METTL15: variants seen among roughly 807,000 people sequenced by gnomAD.
METTL15 encodes 12S rRNA N(4)-cytidine methyltransferase METTL15.
A neutral mutation model predicts 38.3 loss-of-function variants in METTL15; 34 were observed. The ratio of observed to expected loss-of-function variants is 0.89; its 90% confidence interval spans 0.68 to 1.18. The LOEUF (loss-of-function observed/expected upper bound fraction) is 1.18, where lower values mean the gene tolerates loss of function less well. Among genes scored for constraint, METTL15 ranks in the 50% most tolerant of loss-of-function variants. The pLI is 0.00. For missense variants in METTL15, 438 were observed against 498.4 expected (o/e 0.88, Z 1.15); for synonymous variants, 162 against 170.9 (o/e 0.95, Z 0.41).
At chr11:28,455,216 CT>C (rs34686157) in intron 6 of METTL15, among the ~76,000 whole-genome samples, 1,116 of 85,814 alleles carry the variant, frequency 0.013, 4 homozygotes, top group African/African-American at 0.038. Context: ...GATCAGCTAG[CT>C]TTTTTTTTTT....
intron 6 of METTL15, among the ~76,000 whole-genome samples, chr11:28,443,968 A>G (rs1160755216): frequency 6.6e-6 from 1 of 152,178 alleles, no homozygotes; most frequent in African/African-American, 2.4e-5. Context: ...TTTATATTTA[A>G]TATTACATTT....
chr11:28,315,691 G>C (rs1375618352), intron 6 of METTL15, among the ~76,000 whole-genome samples: 1 of 152,220 alleles, frequency 6.6e-6, no homozygotes, highest in Admixed American at 6.5e-5. Flanking sequence ...TAGAAGCCTA[G>C]GAGGAAAAGA....
intron 3 of METTL15, among the ~76,000 whole-genome samples, chr11:28,147,670 T>G (rs1414205650): frequency 1.3e-5 from 2 of 151,792 alleles, no homozygotes; most frequent in Non-Finnish European, 1.5e-5. Flanking sequence ...TAAGTTCTGA[T>G]GAGATGATCT....
At chr11:28,488,271 T>C (rs1851453955) in intron 6 of METTL15, among the ~76,000 whole-genome samples, 1 of 152,190 alleles carries the variant, frequency 6.6e-6, no homozygotes, top group South Asian at 2.1e-4. Context: ...GCACACTTCA[T>C]GAGCTAACTT....
chr11:28,314,954 C>T lies in METTL15; in HGVS notation c.779-15442C>T, dbSNP rs149875362. Among the ~76,000 whole-genome samples, 486 of 152,294 alleles carry T rather than the reference C, an allele frequency of 3.2e-3. 4 individuals are homozygous for T. Among genetic ancestry groups the T allele is most frequent in the African/African-American group, 0.011 (468 of 41,556 alleles). ...CCTTCTACTATGATTGTGAGGCTTC[C>T]GCAGCCATGTGGAACTGTAAGTCCA... On this transcript the variant is annotated intron_variant, in intron 6 of 6. Transcript: ENST00000407364.
chr11:28,426,584 G>GTTTTTTTTTTTT (rs66959082), intron 6 of METTL15, among the ~76,000 whole-genome samples: 28 of 82,316 alleles, frequency 3.4e-4, no homozygotes, highest in Middle Eastern at 7.7e-3. Context: ...GCCAGCATCT[G>GTTTTTTTTTTTT]TTTTTTTTTT....
chr11:28,316,056 C>T (rs555501266), intron 6 of METTL15, among the ~76,000 whole-genome samples: 1 of 152,216 alleles, frequency 6.6e-6, no homozygotes, highest in Admixed American at 6.5e-5. Context: ...CACTGAGGCA[C>T]CACTTAGTTC....
intron 3 of METTL15, among the ~76,000 whole-genome samples, chr11:28,188,384 G>C (rs1036884678): frequency 2.7e-5 from 4 of 150,934 alleles, no homozygotes; most frequent in African/African-American, 7.3e-5. Context: ...TTTTTATTTG[G>C]ATTTTTAAGA....
At chr11:28,384,715 C>G (rs1850422961) in intron 5 of METTL15, among the ~76,000 whole-genome samples, 1 of 152,116 alleles carries the variant, frequency 6.6e-6, no homozygotes, top group African/African-American at 2.4e-5. Context: ...GAGGAGTTGC[C>G]ACACTGATTT....
intron 5 of METTL15, among the ~76,000 whole-genome samples, chr11:28,389,281 G>A (rs192537345): frequency 6.6e-6 from 1 of 150,740 alleles, no homozygotes; most frequent in African/African-American, 2.4e-5. Context: ...TGCACAATGT[G>A]CAGGTTAGTT....
chr11:28,430,901 T>TG (rs1340418379), intron 6 of METTL15, among the ~76,000 whole-genome samples: 112 of 49,938 alleles, frequency 2.2e-3, no homozygotes, highest in Admixed American at 3.8e-3. Context: ...GGGAGGGAGG[T>TG]GGGGGGGTCA....
intron 6 of METTL15, among the ~76,000 whole-genome samples, chr11:28,513,108 C>T (rs1851690149): frequency 6.6e-6 from 1 of 151,996 alleles, no homozygotes; most frequent in East Asian, 1.9e-4. Context: ...ATTACAAGAA[C>T]TCACTGCACA....
intron 5 of METTL15, among the ~76,000 whole-genome samples, chr11:28,290,945 A>T (rs1015751371): frequency 6.6e-6 from 1 of 152,006 alleles, no homozygotes; most frequent in South Asian, 2.1e-4. Context: ...GATATCTTTT[A>T]CACCTCCTCT....
At chr11:28,127,259 T>G (rs1852529568) in intron 3 of METTL15, among the ~76,000 whole-genome samples, 3 of 152,084 alleles carry the variant, frequency 2.0e-5, no homozygotes, top group African/African-American at 2.4e-5. Flanking sequence ...TGGAGAAGAA[T>G]GGGCAGATTT....
At chr11:28,122,856 C>T (rs1852311444) in intron 3 of METTL15, among the ~76,000 whole-genome samples, 1 of 151,872 alleles carries the variant, frequency 6.6e-6, no homozygotes, top group Non-Finnish European at 1.5e-5. Context: ...TATCTTTTTT[C>T]TAGTTGTTCT....
At chr11:28,113,700 T>G in intron 3 of METTL15, 96 bp downstream of exon 3, 1 of 1,346,332 alleles carries the variant, frequency 7.4e-7, no homozygotes, top group Non-Finnish European at 1.0e-6. Context: ...CAGTGGCCTT[T>G]AGTATACAGA....
In METTL15 at chr11:28,122,347, G is replaced by A. The variant is rs865949281; in HGVS notation, c.270+8743G>A. On this transcript the variant is annotated intron_variant, in intron 3 of 6. Coordinates refer to ENST00000407364, the MANE Select transcript of METTL15 (RefSeq NM_001113528.2). ...GATGTGTGTATATGTGTGTGTGTGT[G>A]TGTGTGTGTGTGTGTGTGTGTGTGT... Among the ~76,000 whole-genome samples, 325 of 92,514 alleles carry A rather than the reference G, an allele frequency of 3.5e-3. 1 individual carries two copies. Among genetic ancestry groups the A allele is most frequent in the African/African-American group, 7.4e-3 (134 of 18,126 alleles). The allele number at this position is 92,514 out of a possible 152,430, so 60.7% of individuals were successfully genotyped here.
chr11:28,234,365 C>T (rs1303775177), intron 4 of METTL15, among the ~76,000 whole-genome samples: 1 of 151,500 alleles, frequency 6.6e-6, no homozygotes, highest in Admixed American at 6.6e-5. Flanking sequence ...TTCTAGATCC[C>T]TGAGGAATCG....
rs58415080 is a variant in METTL15, at chr11:28,283,933, AGAAGT to A, written c.408-6272_408-6268del. Among the ~76,000 whole-genome samples, 7 of 152,318 alleles carry A rather than the reference AGAAGT, an allele frequency of 4.6e-5. No homozygotes were observed. In the East Asian group the frequency reaches 1.2e-3, roughly 25 times the overall value. ...GAAAAAGGAAGAATGGAGGAAAAGA[AGAAGT>A]AAAGGAAAGAAGAGAGCAATGGAAG... On this transcript the variant is annotated intron_variant, in intron 4 of 6. Transcript: ENST00000407364.
Sources: allele counts gnomAD v4.1 joint callset (sites outside exome capture counted in the v4.1 genomes callset), GRCh38; gene constraint gnomAD v4.1.1; transcripts MANE v1.5; gene names NCBI Gene and HGNC (gene_info 2026-07-23, HGNC 2026-07-21).